RAPGEF3: variants seen among roughly 807,000 people sequenced by gnomAD.
The protein encoded by RAPGEF3 is 9330170P05Rik.
Under a neutral mutation model 129.8 loss-of-function variants are expected in RAPGEF3, and 103 were observed. That is an observed-to-expected ratio of 0.79 (90% CI 0.68 to 0.93). The LOEUF is 0.93. Ranked by LOEUF, RAPGEF3 falls within the 40% of genes least tolerant of loss-of-function variation. RAPGEF3 has a pLI of 0.00. For missense variants in RAPGEF3, 1,117 were observed against 1,207.4 expected, an observed-to-expected ratio of 0.93 and a Z score of 1.11; for synonymous variants, 436 against 482.6, an observed-to-expected ratio of 0.90 and a Z score of 1.26.
At chr12:47,741,479 GC>G (rs1565751920) in intron 19 of RAPGEF3, 25 bp downstream of exon 19, 1 of 1,594,542 alleles carries the variant, frequency 6.3e-7, no homozygotes, top group Non-Finnish European at 8.6e-7. Context: ...TCCTCCCTGG[GC>G]CCTGGCACCC....
In RAPGEF3 at chr12:47,744,016, C is replaced by T; in HGVS notation, c.1649G>A (p.Ser550Asn). ...ATCCCCAACTTGGATGGCACAGCTGCTGCCAGGAAGGGGCTCGTCCTGGTT... is the reference window on the plus strand; with the variant it reads ...ATCCCCAACTTGGATGGCACAGCTGTTGCCAGGAAGGGGCTCGTCCTGGTT... ...LPNQDEPLPG[S>N]SCAIQVGDKV... The change falls in exon 17 of 28, where the codon AGC becomes AAC. Residue 550 changes from serine to asparagine, a missense_variant. By Grantham distance (46) the Ser-to-Asn change is conservative. Transcript: ENST00000449771. 1 of 1,612,222 alleles carries T rather than the reference C, an allele frequency of 6.2e-7. No individual in the cohort carries two copies.
intron 22 of RAPGEF3, 32 bp from the exon 23 acceptor site, chr12:47,740,223 TG>T (rs1298351782): frequency 1.2e-6 from 2 of 1,613,152 alleles, no homozygotes; most frequent in African/African-American, 2.7e-5. Flanking sequence ...GCGGCTGCTC[TG>T]GGGGAGGCCC....
Position 47,734,725 on chromosome 12 carries a change from G to C in RAPGEF3, c.*2842C>G, listed in dbSNP as rs1245494515. 1 of 152,270 alleles carries C rather than the reference G, an allele frequency of 6.6e-6. No homozygotes were observed. Among genetic ancestry groups the C allele is most frequent in the Admixed American group, 6.5e-5 (1 of 15,292 alleles). The allele number at this position is 152,270 out of a possible 1,614,324, so 9.4% of individuals were successfully genotyped here. ...AATCTTGTGACTATTGGGAAGGAGA[G>C]CAGCCAGAGGCTGAGGGCTGTTGGA... On this transcript the variant is annotated 3_prime_UTR_variant, in exon 28 of 28. Coordinates refer to ENST00000449771, the MANE Select transcript of RAPGEF3 (RefSeq NM_001098531.4).
chr12:47,742,277 T>G (rs1941209968), intron 18 of RAPGEF3: 2 of 152,276 alleles, frequency 1.3e-5, no homozygotes, highest in Non-Finnish European at 2.9e-5. Flanking sequence ...TGGGTTTTAA[T>G]TAAATGTTGG....
intron 26 of RAPGEF3, 39 bp downstream of exon 26, chr12:47,738,154 G>A (rs745820381): frequency 6.2e-7 from 1 of 1,613,926 alleles, no homozygotes; most frequent in Non-Finnish European, 8.5e-7. Context: ...AGAGGATGTA[G>A]GGTGGGGGAC....
rs553778978 is a variant in RAPGEF3, at chr12:47,741,628, G to A, written c.1826-26C>T. The A allele has an allele frequency of 9.4e-6, 15 of 1,590,310 alleles. No individual in the cohort carries two copies. The South Asian group carries it at 1.4e-4, about 15-fold the overall frequency. ...CTGCAAAGACAGCAGAGGCGGACTG[G>A]GTGGGGGAAGGGAGGGAGGCCGGGG... is the stretch of plus-strand genomic sequence containing the variant. On this transcript the variant is annotated intron_variant, in intron 18 of 27. Transcript: ENST00000449771.
intron 23 of RAPGEF3, chr12:47,739,910 G>A: frequency 1.7e-6 from 1 of 596,584 alleles, no homozygotes; most frequent in East Asian, 2.8e-5. Flanking sequence ...TGCACACACT[G>A]AGGGCCAGGA....
chr12:47,747,937 A>G lies in RAPGEF3; in HGVS notation c.1323-75T>C, dbSNP rs897866634. On this transcript the variant is annotated intron_variant, in intron 13 of 27. Coordinates refer to ENST00000449771, the MANE Select transcript of RAPGEF3 (RefSeq NM_001098531.4). ...GAGGCAAAGGAGGGGCAGGATGCCC[A>G]GGGCCCCTGGCAAGCTGGGCCTGGC... The G allele has an allele frequency of 2.5e-6, 4 of 1,590,584 alleles. No individual in the cohort carries two copies. In the African/African-American group the frequency reaches 5.4e-5, roughly 21 times the overall value.
At chr12:47,753,850 A>AG (rs1173909144) in intron 2 of RAPGEF3, 1 of 152,108 alleles carries the variant, frequency 6.6e-6, no homozygotes, top group Non-Finnish European at 1.5e-5. Context: ...GCACATTAGG[A>AG]GGGGTGGTGC....
At chr12:47,754,203 C>T (rs1296320761) in intron 2 of RAPGEF3, among the ~76,000 whole-genome samples, 3 of 152,262 alleles carry the variant, frequency 2.0e-5, no homozygotes, top group Non-Finnish European at 2.9e-5. Context: ...ATGCTCTTAG[C>T]ATTATGCCCT....
At position 47,740,626 on chromosome 12, in the gene RAPGEF3, C is replaced by T; in HGVS notation, c.2231+16G>A. 6.2e-7 allele frequency: 1 copy of T among 1,612,636 alleles called. No homozygotes were observed. Among genetic ancestry groups the T allele is most frequent in the Non-Finnish European group, 8.5e-7 (1 of 1,179,356 alleles). On this transcript the variant is annotated intron_variant, in intron 21 of 27. Coordinates refer to ENST00000449771, the MANE Select transcript of RAPGEF3 (RefSeq NM_001098531.4). The stretch of plus-strand genomic sequence containing the variant: ...GGGGACTCTGGCCACGCCCTACCCA[C>T]TGGACAGGGACTCACTGGGCCGCCA...
Position 47,743,526 on chromosome 12 carries a change from T to C in RAPGEF3, c.1825+4A>G. On this transcript the variant is annotated splice_donor_region_variant and intron_variant, in intron 18 of 27. Transcript: ENST00000449771. ...CTTGGGGTCTATCCAGGGGCACAAC[T>C]CACCACCTGCAGAATTGACCTTCAC... 1 of 1,612,636 alleles carries C rather than the reference T, an allele frequency of 6.2e-7. No individual in the cohort carries two copies. The highest frequency in any genetic ancestry group is 8.5e-7 in the Non-Finnish European group (1 of 1,178,856).
In RAPGEF3 at chr12:47,758,610, C is replaced by A. The variant is rs1404340975; in HGVS notation, c.-54G>T. On this transcript the variant is annotated 5_prime_UTR_variant, in exon 1 of 28. Coordinates refer to ENST00000449771, the MANE Select transcript of RAPGEF3 (RefSeq NM_001098531.4). ...AGGCTCTAGCAAAAGGCTGGGGGGT[C>A]CCCAGCGACCCCCATCAGCTTTGAT... 1.6e-5 allele frequency: 25 copies of A among 1,609,690 alleles called. No homozygotes were observed. Among genetic ancestry groups the A allele is most frequent in the Non-Finnish European group, 2.1e-5 (25 of 1,177,870 alleles).
Position 47,747,859 on chromosome 12 carries a change from G to A in RAPGEF3, c.1326C>T (p.Phe442=), listed in dbSNP as rs753876044. 1 of 1,602,916 alleles carries A rather than the reference G, an allele frequency of 6.2e-7. No individual in the cohort carries two copies. Among genetic ancestry groups the A allele is most frequent in the South Asian group, 1.1e-5 (1 of 91,046 alleles). ...AQLCAALLHH[F]HVEPAGGSEQ... is the part of the protein sequence containing the mutation. ...CGCTGCCACCCGCAGGCTCCACATG[G>A]AAGGTGGGCACCAGTCAAGGGAACC... Residue 442 remains phenylalanine, a synonymous_variant, in exon 14 of 28, where the codon TTC becomes TTT. Transcript: ENST00000449771.
At chr12:47,748,723 T>C in intron 11 of RAPGEF3, 96 bp downstream of exon 11, 2 of 1,090,514 alleles carry the variant, frequency 1.8e-6, no homozygotes, top group Admixed American at 1.7e-5. Flanking sequence ...CATCCACAAG[T>C]GGCCAGAGGG....
chr12:47,748,219 G>C, intron 12 of RAPGEF3, 67 bp from the exon 13 acceptor site: 1 of 1,323,320 alleles, frequency 7.6e-7, no homozygotes, highest in Non-Finnish European at 1.1e-6. Flanking sequence ...CAGGTGTATG[G>C]ACAGCTGGAA....
intron 19 of RAPGEF3, 167 bp downstream of exon 19, chr12:47,741,338 G>T: frequency 1.4e-6 from 1 of 718,986 alleles, no homozygotes; most frequent in Non-Finnish European, 2.3e-6. Flanking sequence ...ACTATCTTGG[G>T]AATTCCCCCA....
intron 16 of RAPGEF3, chr12:47,746,652 G>A: frequency 1.4e-6 from 1 of 717,478 alleles, no homozygotes; most frequent in Non-Finnish European, 2.6e-6. Flanking sequence ...CGAGGAGGGA[G>A]GCCACCTTAG....
intron 16 of RAPGEF3, 70 bp downstream of exon 16, chr12:47,746,790 G>C (rs1259167930): frequency 6.8e-7 from 1 of 1,467,582 alleles, no homozygotes; most frequent in African/African-American, 1.4e-5. Flanking sequence ...AGCCCCTCAG[G>C]GTCAGGGGGC....
Sources: allele counts gnomAD v4.1 joint callset (sites outside exome capture counted in the v4.1 genomes callset), GRCh38; gene constraint gnomAD v4.1.1; transcripts MANE v1.5; gene names NCBI Gene and HGNC (gene_info 2026-07-23, HGNC 2026-07-21).